The following ERBB3 variants were observed in gnomAD, a reference collection of about 807,000 sequenced individuals.
The protein encoded by ERBB3 is erb-b2 receptor tyrosine kinase 3, also known as receptor tyrosine-protein kinase erbB-3.
In ERBB3, 96 loss-of-function variants were observed where a neutral mutation model predicts 156.7. That is an observed-to-expected ratio of 0.61 (90% confidence interval 0.52 to 0.73). ERBB3 has a LOEUF of 0.73. ERBB3 is among the 30% of genes least tolerant of loss of function. ERBB3 has a pLI of 0.00. For missense variants in ERBB3, 1,406 were observed against 1,709.4 expected, an observed-to-expected ratio of 0.82 and a Z score of 3.13; for synonymous variants, 567 against 632.0, an observed-to-expected ratio of 0.90 and a Z score of 1.54.
intron 9 of ERBB3, chr12:56,089,196 T>G: frequency 2.2e-6 from 1 of 458,866 alleles, no homozygotes; most frequent in South Asian, 1.6e-5. Flanking sequence ...TGCAGTGGCG[T>G]GATCTCGACT....
intron 20 of ERBB3, among the ~76,000 whole-genome samples, 176 bp downstream of exon 20, chr12:56,097,406 C>A (rs115053296): frequency 6.6e-6 from 1 of 152,132 alleles, no homozygotes; most frequent in Non-Finnish European, 1.5e-5. Flanking sequence ...GGCAGGCAAG[C>A]GAGTGAAGCT....
At chr12:56,094,068 G>A (rs764972594) in intron 13 of ERBB3, 31 bp from the exon 14 acceptor site, 25 of 1,594,136 alleles carry the variant, frequency 1.6e-5, no homozygotes, top group Non-Finnish European at 2.2e-5. Flanking sequence ...ACTTGGAAGT[G>A]ACCCCCCCCT....
At position 56,095,775 on chromosome 12, in the gene ERBB3, G is replaced by A; in HGVS notation, c.2024G>A (p.Arg675Lys). The A allele has an allele frequency of 6.2e-7, 1 of 1,614,156 alleles. No homozygotes were observed. The highest frequency in any genetic ancestry group is 8.5e-7 in the Non-Finnish European group (1 of 1,180,030). The change falls in exon 17 of 28, where the codon AGG becomes AAG. Residue 675 changes from arginine (R) to lysine (K), a missense_variant. Transcript: ENST00000267101. ...YWRGRRIQNK[R>K]AMRRYLERGE... ...CGTGGGCGCCGGATTCAGAATAAAAGGGCTATGAGGCGATACTTGGAACGG... is the reference window on the plus strand; with the variant it reads ...CGTGGGCGCCGGATTCAGAATAAAAAGGCTATGAGGCGATACTTGGAACGG...
In ERBB3 at chr12:56,093,746, C is replaced by A; in HGVS notation, c.1481-18C>A. On this transcript the variant is annotated intron_variant, in intron 12 of 27. Transcript: ENST00000267101. ...GGAGTCCTCAGACTCCTCTCCTAAC[C>A]CACCCCTTCCTTTCCAGTGGCAGAG... is the stretch of plus-strand genomic sequence containing the variant. 1.2e-6 allele frequency: 2 copies of A among 1,613,986 alleles called. No homozygotes were observed. Among genetic ancestry groups the A allele is most frequent in the Non-Finnish European group, 1.7e-6 (2 of 1,179,986 alleles).
Position 56,093,565 on chromosome 12 carries a change from C to T in ERBB3, c.1480+15C>T, listed in dbSNP as rs373276728. On this transcript the variant is annotated intron_variant, in intron 12 of 27. Transcript: ENST00000267101. ...CAGAGACTGCGGTGAGGGAAAGGGT[C>T]TGCTAGGTGGTGAGAATAGGGAGTC... The T allele has an allele frequency of 1.9e-5, 30 of 1,606,638 alleles. No homozygotes were observed. In the African/African-American group the frequency reaches 4.0e-4, roughly 21 times the overall value.
At position 56,101,148 on chromosome 12, in the gene ERBB3, T is replaced by A; in HGVS notation, c.3289T>A (p.Ser1097Thr). 1 of 1,614,084 alleles carries A rather than the reference T, an allele frequency of 6.2e-7. No individual in the cohort carries two copies. The highest frequency in any genetic ancestry group is 8.5e-7 in the Non-Finnish European group (1 of 1,180,008). ...ACGGGGATGCCTGGCATCAGAGTCA[T>A]CAGAGGGGCATGTAACAGGCTCTGA... ...MPRGCLASES[S>T]EGHVTGSEAE... Residue 1097 changes from serine (S) to threonine (T), a missense_variant, in exon 27 of 28, where the codon TCA (serine) becomes ACA (threonine). Coordinates refer to ENST00000267101, the MANE Select transcript of ERBB3 (RefSeq NM_001982.4).
chr12:56,091,274 AT>A (rs368875343), intron 9 of ERBB3, among the ~76,000 whole-genome samples: 6,777 of 51,444 alleles, frequency 0.13, 1,181 homozygotes, highest in Non-Finnish European at 0.21. Context: ...TTTTATATAT[AT>A]ATATATATAT....
chr12:56,092,752 C>G lies in ERBB3; in HGVS notation c.1115C>G (p.Pro372Arg), dbSNP rs751110954. The G allele has an allele frequency of 1.6e-5, 26 of 1,613,496 alleles. No homozygotes were observed. Among genetic ancestry groups the G allele is most frequent in the Middle Eastern group, 1.6e-4 (1 of 6,082 alleles). ...GTTTCTACTGTTCTATTCAGAGACC[C>G]CTGGCACAAGATCCCTGCCCTGGAC... ...DFLITGLNGD[P>R]WHKIPALDPE... Residue 372 changes from proline to arginine, a missense_variant, in exon 10 of 28, where the codon CCC becomes CGC. By Grantham distance (103) the Pro-to-Arg change is moderately radical. Coordinates refer to ENST00000267101, the MANE Select transcript of ERBB3 (RefSeq NM_001982.4).
At position 56,092,966 on chromosome 12, in the gene ERBB3, G is replaced by A. The variant is rs769932894; in HGVS notation, c.1184-20G>A. The A allele has an allele frequency of 5.6e-6, 9 of 1,602,990 alleles. No homozygotes were observed. The highest frequency in any genetic ancestry group is 7.7e-6 in the Non-Finnish European group (9 of 1,169,974). ...AAAGAAGAAGGCTCCCTGCCCATAT[G>A]CCTCTCTCCAACCCCTCAGGTTACC... On this transcript the variant is annotated intron_variant, in intron 10 of 27. Transcript: ENST00000267101.
chr12:56,085,962 G>A (rs1172297684), intron 3 of ERBB3, among the ~76,000 whole-genome samples: 28 of 148,170 alleles, frequency 1.9e-4, no homozygotes, highest in African/African-American at 4.0e-4. Context: ...CGAGCTACTC[G>A]GGAGGCTGAG....
rs1868528550 is a variant in ERBB3 at position 56,087,602 on chromosome 12, G to T, written c.573G>T (p.Lys191Asn). The change falls in exon 5 of 28, where the codon AAG (lysine) becomes AAT (asparagine). Residue 191 changes from lysine to asparagine, a missense_variant. By Grantham distance (94) the Lys-to-Asn change is moderately conservative. Around this residue, in one of 3 missense-constraint regions of ERBB3, gnomAD observed 979 missense variants for 1,219.6 expected, o/e 0.80. Coordinates refer to ENST00000267101, the MANE Select transcript of ERBB3 (RefSeq NM_001982.4). Reference protein sequence around the residue: ...RSCPPCHEVCKGRCWGPGSED... With the variant: ...RSCPPCHEVCNGRCWGPGSED... ...GTCCCCCCTGTCATGAGGTTTGCAA[G>T]GGGCGATGCTGGGGTCCTGGATCAG... is the stretch of plus-strand genomic sequence containing the variant. The T allele has an allele frequency of 6.2e-7, 1 of 1,614,078 alleles. No individual in the cohort carries two copies.
chr12:56,100,939 CAAAAAAAAA>C, intron 26 of ERBB3, 113 bp from the exon 27 acceptor site: 9 of 300,930 alleles, frequency 3.0e-5, no homozygotes, highest in East Asian at 8.1e-5. Context: ...GACTCCACCT[CAAAAAAAAA>C]AAAAAAAAAA....
intron 3 of ERBB3, among the ~76,000 whole-genome samples, chr12:56,085,942 G>A (rs879822359): frequency 4.6e-5 from 7 of 150,720 alleles, no homozygotes; most frequent in Admixed American, 2.6e-4. Flanking sequence ...GGTGGCGGGC[G>A]CCTGTAGTCC....
At chr12:56,089,374 G>A (rs1868592655) in intron 9 of ERBB3, among the ~76,000 whole-genome samples, 1 of 151,996 alleles carries the variant, frequency 6.6e-6, no homozygotes, top group South Asian at 2.1e-4. Context: ...TCCCATCTTG[G>A]CCTCCCAAAG....
chr12:56,081,092 G>A (rs746200953), intron 1 of ERBB3, among the ~76,000 whole-genome samples: 86 of 152,214 alleles, frequency 5.6e-4, no homozygotes, highest in Non-Finnish European at 7.1e-4. Context: ...AAGGCCCTGG[G>A]CCAGGAGCTG....
intron 4 of ERBB3, among the ~76,000 whole-genome samples, chr12:56,087,207 C>A (rs997998691): frequency 3.3e-5 from 5 of 151,918 alleles, no homozygotes; most frequent in African/African-American, 1.2e-4. Flanking sequence ...ATCTGTTACT[C>A]GTTCCACTAG....
In ERBB3 at chr12:56,097,067, T is replaced by C; in HGVS notation, c.2297T>C (p.Leu766Pro). ...TAGCATATGCTGGCCATTGGCAGCC[T>C]GGACCATGCCCACATTGTAAGGCTG... ...VTDHMLAIGSLDHAHIVRLLG... is the reference protein window; with the variant it reads ...VTDHMLAIGSPDHAHIVRLLG... The change falls in exon 20 of 28, where the codon CTG becomes CCG. Residue 766 changes from leucine (L) to proline (P), a missense_variant. Leu to Pro is a moderately conservative substitution (Grantham distance 98). Around this residue, in one of 3 missense-constraint regions of ERBB3, gnomAD observed 979 missense variants for 1,219.6 expected, o/e 0.80. Coordinates refer to ENST00000267101, the MANE Select transcript of ERBB3 (RefSeq NM_001982.4). 1 of 1,614,138 alleles carries C rather than the reference T, an allele frequency of 6.2e-7. No individual in the cohort carries two copies. Among genetic ancestry groups the C allele is most frequent in the East Asian group, 2.2e-5 (1 of 44,890 alleles).
At chr12:56,085,913 C>CA (rs1464801582) in intron 3 of ERBB3, among the ~76,000 whole-genome samples, 1 of 151,206 alleles carries the variant, frequency 6.6e-6, no homozygotes, top group African/African-American at 2.4e-5. Flanking sequence ...ACTAAAAATA[C>CA]AAAAAATTAG....
chr12:56,099,758 T>C lies in ERBB3; in HGVS notation c.2937+13T>C, dbSNP rs1869024536. 1 of 1,612,182 alleles carries C rather than the reference T, an allele frequency of 6.2e-7. No individual in the cohort carries two copies. The highest frequency in any genetic ancestry group is 8.5e-7 in the Non-Finnish European group (1 of 1,178,792). ...TCTGGTCATAAAGGTGAGTAGGGAG[T>C]AGGAGGTGCTAAGGAAATTTAGAAA... On this transcript the variant is annotated intron_variant, in intron 24 of 27. Transcript: ENST00000267101.
Sources: allele counts gnomAD v4.1 joint callset (sites outside exome capture counted in the v4.1 genomes callset), GRCh38; gene constraint gnomAD v4.1.1; regional missense constraint gnomAD v4.1.1; transcripts MANE v1.5; gene names NCBI Gene and HGNC (gene_info 2026-07-23, HGNC 2026-07-21).